Variants in ZNF91 observed in about 807,000 individuals in gnomAD.
The protein encoded by ZNF91 is zinc finger protein 91.
A neutral mutation model predicts 12.6 loss-of-function variants in ZNF91; 7 were observed. The observed-to-expected ratio is 0.55, with a 90% CI of 0.31 to 1.04. The LOEUF (loss-of-function observed/expected upper bound fraction) is 1.04. Ranked by LOEUF, ZNF91 falls within the 50% of genes least tolerant of loss-of-function variation. The pLI is 0.05. For missense variants in ZNF91, 1,217 were observed against 1,385.4 expected (o/e 0.88, Z 1.93); for synonymous variants, 453 against 462.6 (o/e 0.98, Z 0.27).
intron 3 of ZNF91, among the ~76,000 whole-genome samples, chr19:23,365,285 AG>A: frequency 7.0e-6 from 1 of 141,928 alleles, no homozygotes; most frequent in Non-Finnish European, 1.5e-5. Context: ...CATCACCACT[AG>A]CACAGTTCTA....
chr19:23,344,426 GA>G (rs1447251345), intron 3 of ZNF91, among the ~76,000 whole-genome samples: 1 of 152,098 alleles, frequency 6.6e-6, no homozygotes, highest in Non-Finnish European at 1.5e-5. Flanking sequence ...ATCTAATCAT[GA>G]AAAACATGTT....
chr19:23,317,309 A>C (rs1196199481), intron 1 of ZNF91, among the ~76,000 whole-genome samples: 1 of 151,958 alleles, frequency 6.6e-6, no homozygotes, highest in Non-Finnish European at 1.5e-5. Context: ...CGGCCTCCCA[A>C]AGTGCTGAGA....
intron 1 of ZNF91, chr19:23,328,779 G>GT (rs1282112722): frequency 6.6e-6 from 1 of 152,172 alleles, no homozygotes; most frequent in Non-Finnish European, 1.5e-5. Context: ...TTTGATAAAG[G>GT]TTTAAGAGGT....
chr19:23,351,054 G>A (rs554934226), intron 3 of ZNF91, among the ~76,000 whole-genome samples: 7 of 152,270 alleles, frequency 4.6e-5, no homozygotes, highest in African/African-American at 1.2e-4. Context: ...TGCCGGGCAC[G>A]GTGGCTCATG....
rs755869636 is a variant in ZNF91 at position 23,384,866 on chromosome 19, G to C, written c.31-10102C>G. The C allele has an allele frequency of 1.8e-4, 132 of 747,810 alleles. 2 individuals are homozygous for C. Among genetic ancestry groups the C allele is most frequent in the Middle Eastern group, 9.5e-4 (4 of 4,214 alleles). 46.3% of individuals were successfully genotyped at this position (747,810 alleles called of 1,614,324 possible). A position where few individuals can be genotyped will look rare whatever the true frequency, so the allele number is the denominator to read the frequency against. On this transcript the variant is annotated intron_variant, in intron 1 of 3. Coordinates refer to ENST00000300619, the MANE Select transcript of ZNF91 (RefSeq NM_003430.4). Reference sequence around the variant, plus strand: ...AATACCATCTCCCTCACGATCACTGGAGGGTCCCAAGCTCTCATGTTGCTC... The same window carrying C: ...AATACCATCTCCCTCACGATCACTGCAGGGTCCCAAGCTCTCATGTTGCTC...
At position 23,360,559 on chromosome 19, in the gene ZNF91, A is replaced by C; in HGVS notation, c.2420T>G (p.Phe807Cys). ...PYKCEECGKAFSRSSTLTKHK... is the reference protein window; with the variant it reads ...PYKCEECGKACSRSSTLTKHK... ...CTTAGTAAGGGTTGAGGAACGGCTAAAAGCTTTGCCACATTCTTCACATTT... is the reference window on the plus strand; with the variant it reads ...CTTAGTAAGGGTTGAGGAACGGCTACAAGCTTTGCCACATTCTTCACATTT... Residue 807 changes from phenylalanine to cysteine, a missense_variant, in exon 4 of 4, where the codon TTT becomes TGT. Physicochemically the swap from Phe to Cys is radical, Grantham distance 205 (BLOSUM62 -2). Coordinates refer to ENST00000300619, the MANE Select transcript of ZNF91 (RefSeq NM_003430.4). The C allele has an allele frequency of 6.2e-7, 1 of 1,613,938 alleles. No individual in the cohort carries two copies. The highest frequency in any genetic ancestry group is 1.3e-5 in the African/African-American group (1 of 75,004).
rs1491403502 is a variant in ZNF91, at chr19:23,373,346, T to TCA, written c.253+395_253+396insTG. ...GTTGCTTTTTGTAGATCATGTAATC[T>TCA]TATATATATATATATATATATATAT... On this transcript the variant is annotated intron_variant, in intron 3 of 3. Coordinates refer to ENST00000300619, the MANE Select transcript of ZNF91 (RefSeq NM_003430.4). Among the ~76,000 whole-genome samples the TCA allele has an allele frequency of 7.0e-5, 6 of 85,804 alleles. No homozygotes were observed. The South Asian group carries it at 1.8e-3, about 26-fold the overall frequency. The allele number at this position is 85,804 out of a possible 152,430, so 56.3% of individuals were successfully genotyped here.
chr19:23,394,678 A>C (rs1970172513), intron 1 of ZNF91, among the ~76,000 whole-genome samples: 1 of 152,128 alleles, frequency 6.6e-6, no homozygotes, highest in South Asian at 2.1e-4. Context: ...CGGTGAGCCG[A>C]GATCACGCCA....
chr19:23,310,876 G>A (rs1418647010), upstream of ZNF91, among the ~76,000 whole-genome samples: 4 of 152,122 alleles, frequency 2.6e-5, no homozygotes, highest in Admixed American at 2.6e-4. Context: ...TTTTGCCTTA[G>A]CTCTGCCTTC....
chr19:23,323,678 T>C (rs1967767225), intron 1 of ZNF91, among the ~76,000 whole-genome samples: 1 of 125,130 alleles, frequency 8.0e-6, no homozygotes. Flanking sequence ...TCTCTCCTCC[T>C]CCTCTACTTC....
rs752957053 is a variant in ZNF91 at position 23,362,460 on chromosome 19, C to A, written c.519G>T (p.Thr173=). ...AGCATTTCTTTCCAGTATGTCTTAT[C>A]GTATGTCTGTTTGAATTTAAAAATT... ...FYKFLNSNRH[T]IRHTGKKCFK... The change falls in exon 4 of 4, where the codon ACG becomes ACT. Residue 173 remains threonine (T), a synonymous_variant. Coordinates refer to ENST00000300619, the MANE Select transcript of ZNF91 (RefSeq NM_003430.4). 1 of 1,608,232 alleles carries A rather than the reference C, an allele frequency of 6.2e-7. No homozygotes were observed. Among genetic ancestry groups the A allele is most frequent in the Non-Finnish European group, 8.5e-7 (1 of 1,178,420 alleles).
chr19:23,336,187 G>A (rs1229634293), downstream of ZNF91, among the ~76,000 whole-genome samples: 1 of 152,120 alleles, frequency 6.6e-6, no homozygotes, highest in Non-Finnish European at 1.5e-5. Context: ...CTTGTTTGGG[G>A]TGAATGCCTG....
chr19:23,347,896 C>A (rs1968270086), intron 3 of ZNF91, among the ~76,000 whole-genome samples: 1 of 152,180 alleles, frequency 6.6e-6, no homozygotes, highest in Non-Finnish European at 1.5e-5. Flanking sequence ...TAGTCTTTGT[C>A]CGTACTTTCT....
chr19:23,368,562 C>CTCTCTCTCTCTCTATATATA (rs768532900), intron 3 of ZNF91, among the ~76,000 whole-genome samples: 1 of 118,578 alleles, frequency 8.4e-6, no homozygotes, highest in African/African-American at 3.3e-5. Context: ...CTCTCTCTCT[C>CTCTCTCTCTCTCTATATATA]TATATATATA....
chr19:23,378,836 T>C (rs1309513875), intron 1 of ZNF91, among the ~76,000 whole-genome samples: 1 of 152,232 alleles, frequency 6.6e-6, no homozygotes, highest in East Asian at 1.9e-4. Context: ...GGACCATGAC[T>C]GCTTCATCTA....
At chr19:23,395,250 C>T in intron 1 of ZNF91, 75 bp downstream of exon 1, 1 of 1,570,472 alleles carries the variant, frequency 6.4e-7, no homozygotes, top group Non-Finnish European at 8.7e-7. Flanking sequence ...AGGCCTGAGG[C>T]TCGCCACAGC....
chr19:23,388,909 G>A (rs752380754), intron 1 of ZNF91, among the ~76,000 whole-genome samples: 1 of 151,980 alleles, frequency 6.6e-6, no homozygotes, highest in African/African-American at 2.4e-5. Context: ...ATGCGTAAAT[G>A]GAAAACCAAA....
chr19:23,365,928 T>C (rs990598477), intron 3 of ZNF91, among the ~76,000 whole-genome samples: 1 of 152,228 alleles, frequency 6.6e-6, no homozygotes, highest in African/African-American at 2.4e-5. Flanking sequence ...AGAATTTTTC[T>C]TAGTACAGAA....
intron 3 of ZNF91, among the ~76,000 whole-genome samples, chr19:23,366,227 G>T (rs781752138): frequency 1.3e-5 from 2 of 151,682 alleles, no homozygotes; most frequent in Non-Finnish European, 2.9e-5. Flanking sequence ...CAGATGGGGC[G>T]GCTGGCCGGG....
Sources: allele counts gnomAD v4.1 joint callset (sites outside exome capture counted in the v4.1 genomes callset), GRCh38; gene constraint gnomAD v4.1.1; transcripts MANE v1.5; gene names NCBI Gene and HGNC (gene_info 2026-07-23, HGNC 2026-07-21).